C6: variants seen among roughly 807,000 people sequenced by gnomAD.
C6 encodes the protein complement C6, also known as complement component C6.
A neutral mutation model predicts 112.9 loss-of-function variants in C6; 101 were observed. The observed-to-expected ratio is 0.89, with a 90% CI of 0.76 to 1.06. C6 has a LOEUF of 1.06. Ranked by LOEUF, C6 falls within the 50% of genes least tolerant of loss-of-function variation. C6 has a pLI of 0.00. For missense variants in C6, 1,202 were observed against 1,104.6 expected (o/e 1.09, Z -1.25); for synonymous variants, 431 against 384.1 (o/e 1.12, Z -1.43).
rs376006753 is a variant in C6 at position 41,177,791 on chromosome 5, G to C, written c.928-1076C>G. On this transcript the variant is annotated intron_variant, in intron 7 of 17. Transcript: ENST00000337836. ...CTATACATTCATTGCCTACCTATCT[G>C]AGATGCTGTAGATACAGAAGTGAAG... is the stretch of plus-strand genomic sequence containing the variant. Among the ~76,000 whole-genome samples, 9 of 152,174 alleles carry C rather than the reference G, an allele frequency of 5.9e-5. No homozygotes were observed. In the East Asian group the frequency reaches 1.2e-3, roughly 20 times the overall value.
chr5:41,243,786 C>G (rs1740870273), intron 1 of C6, among the ~76,000 whole-genome samples: 1 of 152,174 alleles, frequency 6.6e-6, no homozygotes, highest in South Asian at 2.1e-4. Context: ...CCAGAAATAA[C>G]AGAGAGTTAA....
At chr5:41,143,055 G>A (rs1462552856) in intron 17 of C6, 49 bp from the exon 18 acceptor site, 4 of 1,566,514 alleles carry the variant, frequency 2.6e-6, no homozygotes, top group Admixed American at 1.7e-5. Flanking sequence ...GTACATTAGG[G>A]TTTGGCTTTA....
Position 41,199,825 on chromosome 5 carries a change from A to G in C6, c.388T>C (p.Ser130Pro), listed in dbSNP as rs541289887. 12 of 1,613,780 alleles carry G rather than the reference A, an allele frequency of 7.4e-6. No homozygotes were observed. The South Asian group carries it at 1.1e-4, about 15-fold the overall frequency. Residue 130 changes from serine to proline, a missense_variant, in exon 4 of 18, where the codon TCT becomes CCT. Physicochemically the swap from Ser to Pro is moderately conservative, Grantham distance 74. Transcript: ENST00000337836. ...PLVAFQPCIP[S>P]KLCKIEEADC... is the part of the protein sequence containing the mutation. ...GCCTCTTCAATTTTGCAGAGCTTAG[A>G]TGGAATGCATGGTTGAAAGGCTACC...
At chr5:41,198,481 T>C (rs1249956028) in intron 4 of C6, among the ~76,000 whole-genome samples, 2 of 152,050 alleles carry the variant, frequency 1.3e-5, no homozygotes, top group African/African-American at 4.8e-5. Flanking sequence ...GATCTAGGGA[T>C]TTTGGGCTCT....
intron 9 of C6, among the ~76,000 whole-genome samples, chr5:41,166,583 A>T (rs1007609021): frequency 6.6e-6 from 1 of 152,136 alleles, no homozygotes; most frequent in African/African-American, 2.4e-5. Context: ...AATGTGCTAA[A>T]CATGGTATGA....
Position 41,157,398 on chromosome 5 carries a change from G to A in C6, c.1968+1276C>T, listed in dbSNP as rs143047966. 2.6e-5 allele frequency among the ~76,000 whole-genome samples: 4 copies of A among 152,326 alleles called. No homozygotes were observed. The East Asian group carries it at 7.7e-4, about 29-fold the overall frequency. On this transcript the variant is annotated intron_variant, in intron 13 of 17. Transcript: ENST00000337836. The stretch of plus-strand genomic sequence containing the variant: ...GCCAATATGTGATTTTAAGGATAAT[G>A]TTCTAGGGCAGGGGCCAGTAAGCTT...
At position 41,231,243 on chromosome 5, in the gene C6, T is replaced by C. The variant is rs145669912; in HGVS notation, c.-20-27993A>G. ...GGATTTACTTGTTTCATTTTTAAAA[T>C]TGCTTCTTATTTTGTAGGGTTTTTT... On this transcript the variant is annotated intron_variant, in intron 1 of 17. Transcript: ENST00000263413. 1.2e-3 allele frequency among the ~76,000 whole-genome samples: 187 copies of C among 152,244 alleles called. 1 individual carries two copies. The highest frequency in any genetic ancestry group is 4.4e-3 in the African/African-American group (182 of 41,586).
At chr5:41,216,423 G>C (rs1219700632), upstream of C6, among the ~76,000 whole-genome samples, 2 of 151,962 alleles carry the variant, frequency 1.3e-5, no homozygotes, top group South Asian at 2.1e-4. Context: ...CACCCATCTA[G>C]GATTTTATCC....
At chr5:41,193,188 C>A (rs932442857) in intron 5 of C6, among the ~76,000 whole-genome samples, 37 of 152,070 alleles carry the variant, frequency 2.4e-4, no homozygotes, top group African/African-American at 8.7e-4. Context: ...TTATGTTTGT[C>A]ACAAGCAAAA....
Position 41,158,769 on chromosome 5 carries a change from T to C in C6, c.1873A>G (p.Asn625Asp). The part of the protein sequence containing the change: ...IMENNGQPCI[N>D]DDEEMKEVDL... ...ACCTCTTTCATTTCTTCGTCATCAT[T>C]GATACATGGTTGTCCACTAAAAGGG... Residue 625 changes from asparagine (N) to aspartate (D), a missense_variant, in exon 13 of 18, where the codon AAT (asparagine) becomes GAT (aspartate). Transcript: ENST00000337836. 6.3e-7 allele frequency: 1 copy of C among 1,577,924 alleles called. No individual in the cohort carries two copies. The highest frequency in any genetic ancestry group is 2.2e-5 in the East Asian group (1 of 44,620).
chr5:41,153,786 C>G (rs1033367877), intron 15 of C6, 24 bp downstream of exon 15: 14 of 1,589,356 alleles, frequency 8.8e-6, no homozygotes, highest in South Asian at 1.1e-5. Context: ...TTATCAGACC[C>G]CAGAACACTG....
At chr5:41,165,281 C>T (rs556158489) in intron 9 of C6, among the ~76,000 whole-genome samples, 3 of 152,084 alleles carry the variant, frequency 2.0e-5, no homozygotes, top group East Asian at 1.9e-4. Flanking sequence ...TTTTTGTTGG[C>T]GCATATCTAT....
chr5:41,176,771 C>G (rs1748892829), intron 7 of C6, 56 bp from the exon 8 acceptor site: 2 of 1,488,772 alleles, frequency 1.3e-6, no homozygotes, highest in East Asian at 2.3e-5. Flanking sequence ...TTTGAAGTAC[C>G]TAGCATTTAA....
intron 1 of C6, among the ~76,000 whole-genome samples, chr5:41,227,390 C>G (rs1360206217): frequency 6.6e-6 from 1 of 151,888 alleles, no homozygotes; most frequent in East Asian, 1.9e-4. Context: ...AATACTTTCT[C>G]CTATTCCGTA....
At chr5:41,213,066 C>T (rs966573533) in intron 1 of C6, 1 of 152,104 alleles carries the variant, frequency 6.6e-6, no homozygotes, top group Non-Finnish European at 1.5e-5. Flanking sequence ...TCTACCTTTA[C>T]TATCGCCAAG....
At chr5:41,239,268 C>A (rs549278257) in intron 1 of C6, among the ~76,000 whole-genome samples, 1 of 151,882 alleles carries the variant, frequency 6.6e-6, no homozygotes, top group East Asian at 1.9e-4. Flanking sequence ...CGTGCCACCA[C>A]GCCCAGCTAA....
At chr5:41,231,877 C>T (rs1015531884) in intron 1 of C6, among the ~76,000 whole-genome samples, 11 of 149,104 alleles carry the variant, frequency 7.4e-5, no homozygotes, top group African/African-American at 2.4e-4. Flanking sequence ...CTTTAATATA[C>T]TTTCTTTAAT....
intron 5 of C6, among the ~76,000 whole-genome samples, chr5:41,194,906 T>G (rs976751695): frequency 6.6e-6 from 1 of 152,328 alleles, no homozygotes; most frequent in Non-Finnish European, 1.5e-5. Flanking sequence ...CTATGTGATC[T>G]CCTGAGGTTT....
upstream of C6, among the ~76,000 whole-genome samples, chr5:41,214,026 T>C (rs1290401361): frequency 1.3e-5 from 2 of 152,198 alleles, no homozygotes; most frequent in Non-Finnish European, 2.9e-5. Flanking sequence ...GCTCTTTATA[T>C]GTAATGATGA....
Sources: allele counts gnomAD v4.1 joint callset (sites outside exome capture counted in the v4.1 genomes callset), GRCh38; gene constraint gnomAD v4.1.1; transcripts MANE v1.5; gene names NCBI Gene and HGNC (gene_info 2026-07-23, HGNC 2026-07-21).